The following DROSHA variants were observed in gnomAD, a reference collection of about 807,000 sequenced individuals.
DROSHA encodes ribonuclease 3.
In DROSHA, 56 loss-of-function variants were observed where a neutral mutation model predicts 181.9. That is an observed-to-expected ratio of 0.31 (90% confidence interval 0.25 to 0.38). DROSHA has a LOEUF of 0.38. DROSHA is among the 10% of genes least tolerant of loss of function. The pLI is 1.00. For missense variants in DROSHA, 1,218 were observed against 1,743.5 expected, an observed-to-expected ratio of 0.70 and a Z score of 5.37; for synonymous variants, 524 against 591.2, an observed-to-expected ratio of 0.89 and a Z score of 1.65.
intron 25 of DROSHA, 54 bp from the exon 26 acceptor site, chr5:31,431,732 A>G (rs1301804477): frequency 2.6e-6 from 4 of 1,553,610 alleles, no homozygotes; most frequent in South Asian, 1.1e-5. Context: ...AATCTTAACT[A>G]TAGTAACTCA....
At chr5:31,472,707 T>C (rs1475366704) in intron 16 of DROSHA, among the ~76,000 whole-genome samples, 1 of 152,238 alleles carries the variant, frequency 6.6e-6, no homozygotes, top group East Asian at 1.9e-4. Context: ...TAAGCTGTTG[T>C]TGCATTATGG....
intron 19 of DROSHA, 140 bp downstream of exon 19, chr5:31,466,041 TG>T: frequency 1.3e-6 from 1 of 781,820 alleles, no homozygotes; most frequent in Non-Finnish European, 2.0e-6. Context: ...CGTATAATAA[TG>T]GGGGGAGGAG....
At chr5:31,507,458 CA>C (rs74582937) in intron 10 of DROSHA, among the ~76,000 whole-genome samples, 90 of 122,784 alleles carry the variant, frequency 7.3e-4, no homozygotes, top group Admixed American at 2.0e-3. Flanking sequence ...AACTCTGTCT[CA>C]AAAAAAAAAA....
intron 8 of DROSHA, among the ~76,000 whole-genome samples, chr5:31,512,106 C>T (rs147511946): frequency 4.6e-4 from 70 of 152,278 alleles, no homozygotes; most frequent in Non-Finnish European, 7.9e-4. Context: ...CTTTACATCT[C>T]CACACTCTGA....
intron 25 of DROSHA, among the ~76,000 whole-genome samples, chr5:31,433,132 G>T (rs1744368200): frequency 6.6e-6 from 1 of 152,108 alleles, no homozygotes; most frequent in African/African-American, 2.4e-5. Context: ...TAGATTCTGT[G>T]TGTCTCAGTA....
chr5:31,432,525 C>T (rs1312186578), intron 25 of DROSHA, among the ~76,000 whole-genome samples: 2 of 152,094 alleles, frequency 1.3e-5, no homozygotes, highest in African/African-American at 2.4e-5. Context: ...TTTGTTGTGA[C>T]GATTTGGGGA....
In DROSHA at chr5:31,464,263, T is replaced by A; in HGVS notation, c.2547A>T (p.Lys849Asn). Residue 849 changes from lysine (K) to asparagine (N), a missense_variant, in exon 20 of 36, where the codon AAA (lysine) becomes AAT (asparagine). Lys to Asn is a moderately conservative substitution (Grantham distance 94). Coordinates refer to ENST00000344624, the MANE Select transcript of DROSHA (RefSeq NM_001382508.1). ...GACAGACATCAGAACGGATGCCAGTTTTCCAGAATCCTTGGCTACTTAGCT... is the reference window on the plus strand; with the variant it reads ...GACAGACATCAGAACGGATGCCAGTATTCCAGAATCCTTGGCTACTTAGCT... ...TVELSSQGFW[K>N]TGIRSDVCQH... 2 of 1,613,502 alleles carry A rather than the reference T, an allele frequency of 1.2e-6. No homozygotes were observed. Among genetic ancestry groups the A allele is most frequent in the South Asian group, 2.2e-5 (2 of 91,046 alleles).
chr5:31,438,407 T>G (rs1745150132), intron 23 of DROSHA, among the ~76,000 whole-genome samples: 1 of 152,068 alleles, frequency 6.6e-6, no homozygotes, highest in Non-Finnish European at 1.5e-5. Flanking sequence ...ACAGTCACAT[T>G]TGGGATGCAT....
At chr5:31,500,732 G>A (rs1753493516) in intron 11 of DROSHA, among the ~76,000 whole-genome samples, 2 of 152,202 alleles carry the variant, frequency 1.3e-5, no homozygotes, top group African/African-American at 4.8e-5. Flanking sequence ...CTCACCAGCA[G>A]TAATAGGGAT....
At chr5:31,513,717 C>CTCTCTTA (rs1239897261) in intron 8 of DROSHA, among the ~76,000 whole-genome samples, 1 of 148,462 alleles carries the variant, frequency 6.7e-6, no homozygotes, top group Non-Finnish European at 1.5e-5. Flanking sequence ...TAACACAACT[C>CTCTCTTA]TCTCTTATCT....
chr5:31,457,197 C>T (rs938831001), intron 20 of DROSHA, among the ~76,000 whole-genome samples: 3 of 135,588 alleles, frequency 2.2e-5, no homozygotes, highest in Non-Finnish European at 3.1e-5. Context: ...GATCTCGGCT[C>T]ATTGCAACCT....
In DROSHA at chr5:31,403,746, T is replaced by C. The variant is rs1170491255; in HGVS notation, c.3994+1931A>G. ...AGGCCAGTGGGCTGCAATGGCAGAG[T>C]TGGAGAATTGCGACAGAGATTATAT... On this transcript the variant is annotated intron_variant, in intron 35 of 35. Coordinates refer to ENST00000344624, the MANE Select transcript of DROSHA (RefSeq NM_001382508.1). Among the ~76,000 whole-genome samples, 6 of 152,258 alleles carry C rather than the reference T, an allele frequency of 3.9e-5. No individual in the cohort carries two copies. The East Asian group carries it at 9.6e-4, about 24-fold the overall frequency.
In DROSHA at chr5:31,470,938, A is replaced by G. The variant is rs1304880779; in HGVS notation, c.2241+1125T>C. Among the ~76,000 whole-genome samples the G allele has an allele frequency of 6.6e-6, 1 of 152,152 alleles. No homozygotes were observed. The highest frequency in any genetic ancestry group is 1.5e-5 in the Non-Finnish European group (1 of 67,990). ...TATATGCAACTGTTTTAAGAATAAAAATAGAATTCACAGTCTTACTCTGAG... is the reference window on the plus strand; with the variant it reads ...TATATGCAACTGTTTTAAGAATAAAGATAGAATTCACAGTCTTACTCTGAG... On this transcript the variant is annotated intron_variant, in intron 17 of 35. Transcript: ENST00000344624. The surrounding 1 kb of genome is among the most constrained non-coding windows in gnomAD (Gnocchi z 4.0).
At chr5:31,512,438 GAAT>G (rs1738798800) in intron 8 of DROSHA, among the ~76,000 whole-genome samples, 1 of 152,128 alleles carries the variant, frequency 6.6e-6, no homozygotes, top group South Asian at 2.1e-4. Flanking sequence ...ATTGTTTTAA[GAAT>G]AATAACACCT....
intron 17 of DROSHA, among the ~76,000 whole-genome samples, chr5:31,471,603 T>G (rs1217122497): frequency 2.0e-5 from 3 of 151,922 alleles, no homozygotes; most frequent in Non-Finnish European, 4.4e-5. Context: ...ACAAAAAAGA[T>G]CAAAGGATAT....
intron 27 of DROSHA, among the ~76,000 whole-genome samples, chr5:31,428,341 GGA>G (rs1052631524): frequency 5.3e-5 from 8 of 152,180 alleles, no homozygotes; most frequent in Non-Finnish European, 1.2e-4. Context: ...ACTGCAGGAA[GGA>G]AAGAGAGCAA....
At chr5:31,427,029 T>C (rs1183967070) in intron 27 of DROSHA, among the ~76,000 whole-genome samples, 1 of 152,010 alleles carries the variant, frequency 6.6e-6, no homozygotes, top group Non-Finnish European at 1.5e-5. Context: ...GTTTAGAAGA[T>C]AAAAATAAGG....
rs1666892229 is a variant in DROSHA, at chr5:31,409,120, G to C, written c.3790C>G (p.Gln1264Glu). 1 of 1,613,788 alleles carries C rather than the reference G, an allele frequency of 6.2e-7. No homozygotes were observed. The highest frequency in any genetic ancestry group is 1.3e-5 in the African/African-American group (1 of 74,914). ...LNQDWNDPKS[Q>E]LQQCCLTLRT... ...AGTGTCAAGCAACACTGCTGAAGCT[G>C]GGATTTGGGGTCATTCCAATCCTGA... is the stretch of plus-strand genomic sequence containing the variant. Residue 1264 changes from glutamine to glutamate, a missense_variant, in exon 33 of 36, where the codon CAG becomes GAG. Coordinates refer to ENST00000344624, the MANE Select transcript of DROSHA (RefSeq NM_001382508.1). The surrounding 1 kb of genome is among the most constrained non-coding windows in gnomAD (Gnocchi z 4.0).
rs766555869 is a variant in DROSHA at position 31,470,832 on chromosome 5, C to T, written c.2241+1231G>A. On this transcript the variant is annotated intron_variant, in intron 17 of 35. Coordinates refer to ENST00000344624, the MANE Select transcript of DROSHA (RefSeq NM_001382508.1). This position sits in a 1 kb window ranked among gnomAD's most constrained non-coding sequence, Gnocchi z 4.0. Reference sequence around the variant, plus strand: ...GAACATGGAACTCTCCAAGTGGAACCACCCAGCTGAAACTGGACATCTGCC... The same window carrying T: ...GAACATGGAACTCTCCAAGTGGAACTACCCAGCTGAAACTGGACATCTGCC... Among the ~76,000 whole-genome samples the T allele has an allele frequency of 5.9e-5, 9 of 152,140 alleles. No individual in the cohort carries two copies. The highest frequency in any genetic ancestry group is 1.3e-4 in the Non-Finnish European group (9 of 68,030).
Sources: gnomAD v4.1 joint callset for allele counts (sites outside exome capture counted in the v4.1 genomes callset) on GRCh38, gnomAD v4.1.1 for gene constraint, Gnocchi (gnomAD v3.1) non-coding constraint, MANE v1.5 for transcripts, NCBI Gene and HGNC (gene_info 2026-07-23, HGNC 2026-07-21) for gene names.